The following TTC1 variants were observed in gnomAD, a reference collection of about 807,000 sequenced individuals.
TTC1 encodes the protein tetratricopeptide repeat protein 1.
A neutral mutation model predicts 37.6 loss-of-function variants in TTC1; 31 were observed. The observed-to-expected ratio is 0.82, with a 90% confidence interval of 0.62 to 1.11. The LOEUF is 1.11. Ranked by LOEUF, TTC1 falls within the 50% of genes most tolerant of loss-of-function variation. The pLI, the probability that TTC1 is intolerant of heterozygous loss-of-function variation, is 0.00. For synonymous variants in TTC1, 127 were observed against 122.4 expected, an observed-to-expected ratio of 1.04 and a Z score of -0.25; for missense variants, 351 against 339.0, an observed-to-expected ratio of 1.04 and a Z score of -0.28.
chr5:160,011,147 G>A (rs1345089325), intron 2 of TTC1, among the ~76,000 whole-genome samples: 1 of 152,166 alleles, frequency 6.6e-6, no homozygotes, highest in Non-Finnish European at 1.5e-5. Flanking sequence ...TTTTCAAAAT[G>A]TATATATACT....
chr5:160,064,905 A>G (rs1753553943), intron 7 of TTC1, 27 bp from the exon 8 acceptor site: 1 of 1,603,060 alleles, frequency 6.2e-7, no homozygotes, highest in South Asian at 1.1e-5. Flanking sequence ...TCCTGTATTC[A>G]TTTGAGTTTT....
At chr5:160,017,287 G>A (rs1328511178) in intron 2 of TTC1, among the ~76,000 whole-genome samples, 1 of 152,134 alleles carries the variant, frequency 6.6e-6, no homozygotes, top group Non-Finnish European at 1.5e-5. Flanking sequence ...GAAATTTATT[G>A]CTCATAATTC....
In TTC1 at chr5:160,065,017, C is replaced by T. The variant is rs145026206; in HGVS notation, c.831C>T (p.Thr277=). ...ENFQIKQDSS[T]GSYSINFVQN... ...TCCAGATCAAACAGGATTCCTCTAC[C>T]GGCTCGTACTCCATCAATTTCGTTC... Residue 277 remains threonine, a synonymous_variant, in exon 8 of 8, where the codon ACC becomes ACT. Coordinates refer to ENST00000231238, the MANE Select transcript of TTC1 (RefSeq NM_003314.3). The T allele has an allele frequency of 9.0e-5, 146 of 1,613,868 alleles. No homozygotes were observed. In the African/African-American group the frequency reaches 1.2e-3, roughly 13 times the overall value.
rs1175670868 is a variant in TTC1, at chr5:160,057,326, A to C, written c.745+6143A>C. ...CCAGCACAATAAAGCGAGTCACAAG[A>C]ATTTTTTGTTTCCCAGTGCATACAG... On this transcript the variant is annotated intron_variant, in intron 7 of 7. Transcript: ENST00000231238. This position sits in a 1 kb window ranked among gnomAD's most constrained non-coding sequence, Gnocchi z 4.4. Among the ~76,000 whole-genome samples, 1 of 152,122 alleles carries C rather than the reference A, an allele frequency of 6.6e-6. No individual in the cohort carries two copies. Among genetic ancestry groups the C allele is most frequent in the African/African-American group, 2.4e-5 (1 of 41,430 alleles).
intron 5 of TTC1, among the ~76,000 whole-genome samples, chr5:160,046,838 C>T (rs1757261902): frequency 6.6e-6 from 1 of 151,988 alleles, no homozygotes; most frequent in Admixed American, 6.6e-5. Context: ...ATGGTGAAAC[C>T]CTGTCTCTAC....
chr5:160,039,953 A>G (rs1229011558), intron 4 of TTC1, among the ~76,000 whole-genome samples: 1 of 152,242 alleles, frequency 6.6e-6, no homozygotes, highest in Non-Finnish European at 1.5e-5. Flanking sequence ...AAGTACAGTC[A>G]TGAGTCACTT....
At chr5:160,023,672 G>A in intron 2 of TTC1, 2 of 1,378,522 alleles carry the variant, frequency 1.5e-6, no homozygotes, top group South Asian at 1.2e-5. Flanking sequence ...GGCTCAATGG[G>A]GACAAAGCCG....
At position 160,036,724 on chromosome 5, in the gene TTC1, C is replaced by A; in HGVS notation, c.425C>A (p.Ala142Asp). 6.2e-7 allele frequency: 1 copy of A among 1,613,808 alleles called. No individual in the cohort carries two copies. Among genetic ancestry groups the A allele is most frequent in the Non-Finnish European group, 8.5e-7 (1 of 1,179,828 alleles). ...GAAGCTGAAAGTTCTTATAGTCGAG[C>A]CCTCGAAATGTGCCCATCCTGCTTC... is the stretch of plus-strand genomic sequence containing the variant. ...YIEAESSYSR[A>D]LEMCPSCFQK... Residue 142 changes from alanine to aspartate, a missense_variant, in exon 4 of 8, where the codon GCC (alanine) becomes GAC (aspartate). Ala to Asp is a moderately radical substitution (Grantham distance 126). Transcript: ENST00000231238.
intron 4 of TTC1, among the ~76,000 whole-genome samples, chr5:160,040,656 A>G (rs1277463976): frequency 6.6e-6 from 1 of 152,036 alleles, no homozygotes; most frequent in Non-Finnish European, 1.5e-5. Flanking sequence ...ATCGCTCACT[A>G]CAGCCTTGAA....
At position 160,036,713 on chromosome 5, in the gene TTC1, T is replaced by G; in HGVS notation, c.414T>G (p.Ser138=). The G allele has an allele frequency of 6.2e-7, 1 of 1,613,692 alleles. No homozygotes were observed. Among genetic ancestry groups the G allele is most frequent in the Non-Finnish European group, 8.5e-7 (1 of 1,179,670 alleles). The part of the protein sequence containing the change: ...KKGDYIEAES[S]YSRALEMCPS... ...CAGATTATATAGAAGCTGAAAGTTC[T>G]TATAGTCGAGCCCTCGAAATGTGCC... The change falls in exon 4 of 8, where the codon TCT becomes TCG. Residue 138 remains serine (S), a synonymous_variant. Coordinates refer to ENST00000231238, the MANE Select transcript of TTC1 (RefSeq NM_003314.3).
At position 160,051,194 on chromosome 5, in the gene TTC1, T is replaced by C. The variant is rs1327310632; in HGVS notation, c.745+11T>C. 2 of 1,606,228 alleles carry C rather than the reference T, an allele frequency of 1.2e-6. No homozygotes were observed. The highest frequency in any genetic ancestry group is 1.7e-6 in the Non-Finnish European group (2 of 1,175,584). On this transcript the variant is annotated intron_variant, in intron 7 of 7. Transcript: ENST00000231238. Reference sequence around the variant, plus strand: ...AAGAAGAGATGTTAGGTAAGCTTACTTCTTACTTTGCTTGATCATAAACAG... The same window carrying C: ...AAGAAGAGATGTTAGGTAAGCTTACCTCTTACTTTGCTTGATCATAAACAG...
rs1001515367 is a variant in TTC1 at position 160,063,850 on chromosome 5, C to T, written c.746-1082C>T. ...AGAGATAGAGTCTCACTGCGTTGCT[C>T]GGGCTGGTCTTGAACTCCTGGGCTC... On this transcript the variant is annotated intron_variant, in intron 7 of 7. Transcript: ENST00000231238. Among the ~76,000 whole-genome samples the T allele has an allele frequency of 1.1e-4, 17 of 151,950 alleles. 1 individual carries two copies. The highest frequency in any genetic ancestry group is 9.2e-4 in the Admixed American group (14 of 15,250).
intron 2 of TTC1, among the ~76,000 whole-genome samples, chr5:160,019,651 G>A (rs1428165232): frequency 7.0e-6 from 1 of 143,802 alleles, no homozygotes; most frequent in Non-Finnish European, 1.5e-5. Context: ...GCAGCGGTGC[G>A]ATCTCTGCTC....
intron 7 of TTC1, among the ~76,000 whole-genome samples, chr5:160,054,978 G>A (rs759611734): frequency 3.7e-4 from 56 of 152,318 alleles, no homozygotes; most frequent in Non-Finnish European, 7.8e-4. Context: ...TCTGCCCTCA[G>A]GAGTCCCTTG....
At chr5:160,018,889 A>G (rs1232818837) in intron 2 of TTC1, among the ~76,000 whole-genome samples, 1 of 152,192 alleles carries the variant, frequency 6.6e-6, no homozygotes, top group Non-Finnish European at 1.5e-5. Flanking sequence ...TATATTTCAG[A>G]GGTAAAGCAG....
chr5:160,021,631 A>G (rs1756711221), intron 2 of TTC1, among the ~76,000 whole-genome samples: 1 of 152,198 alleles, frequency 6.6e-6, no homozygotes, highest in Non-Finnish European at 1.5e-5. Flanking sequence ...ATGCCTCCCT[A>G]GAGGACCTGT....
rs768318915 is a variant in TTC1, at chr5:160,064,994, C to T, written c.808C>T (p.Gln270Ter). 2 of 1,614,014 alleles carry T rather than the reference C, an allele frequency of 1.2e-6. No homozygotes were observed. The highest frequency in any genetic ancestry group is 4.5e-5 in the East Asian group (2 of 44,880). Residue 270 changes from glutamine to a stop codon, truncating the protein, a stop_gained, in exon 8 of 8, where the codon CAG becomes TAG. Transcript: ENST00000231238. LOFTEE classifies it high-confidence loss of function. ...RPFGLSTENFQIKQDSSTGSY... is the reference protein window; with the variant it reads ...RPFGLSTENF ...TTTTGGGCTCTCCACGGAAAATTTC[C>T]AGATCAAACAGGATTCCTCTACCGG...
At chr5:160,010,187 G>A (rs1186116950) in intron 1 of TTC1, among the ~76,000 whole-genome samples, 1 of 150,704 alleles carries the variant, frequency 6.6e-6, no homozygotes, top group African/African-American at 2.4e-5. Context: ...GAACCCGGAC[G>A]GCAGAGGTTG....
At chr5:160,031,983 C>G (rs1756918748) in intron 2 of TTC1, among the ~76,000 whole-genome samples, 1 of 152,186 alleles carries the variant, frequency 6.6e-6, no homozygotes, top group Non-Finnish European at 1.5e-5. Flanking sequence ...AGAAGGAGAC[C>G]TTGTCTCTGA....
Sources: allele counts gnomAD v4.1 joint callset (sites outside exome capture counted in the v4.1 genomes callset), GRCh38; gene constraint gnomAD v4.1.1; non-coding constraint Gnocchi (gnomAD v3.1); transcripts MANE v1.5; gene names NCBI Gene and HGNC (gene_info 2026-07-23, HGNC 2026-07-21).